The following NBEA variants were observed in gnomAD, a reference collection of about 807,000 sequenced individuals.
NBEA encodes neurobeachin.
In NBEA, 44 loss-of-function variants were observed where a neutral mutation model predicts 343.4. The observed-to-expected ratio is 0.13, with a 90% CI of 0.10 to 0.16. NBEA has a LOEUF of 0.16. Among genes scored for constraint, NBEA ranks in the 10% least tolerant of loss-of-function variants. NBEA has a pLI of 1.00. For synonymous variants in NBEA, 1,175 were observed against 1,238.7 expected (o/e 0.95, Z 1.08); for missense variants, 2,555 against 3,631.3 (o/e 0.70, Z 7.62).
intron 38 of NBEA, among the ~76,000 whole-genome samples, chr13:35,356,109 G>A (rs1251099330): frequency 6.6e-6 from 1 of 151,822 alleles, no homozygotes; most frequent in Admixed American, 6.6e-5. Flanking sequence ...ATAAACACTT[G>A]GTGTATGCCC....
In NBEA at chr13:35,236,991, G is replaced by T. The variant is rs114824425; in HGVS notation, c.5776+4372G>T. On this transcript the variant is annotated intron_variant, in intron 34 of 58. Coordinates refer to ENST00000379939, the MANE Select transcript of NBEA (RefSeq NM_001385012.1). ...TATTCAGTGTTTTTCCCTTGTGTTT[G>T]CATAGGATATTATTTTTCTTTCTTG... Among the ~76,000 whole-genome samples the T allele has an allele frequency of 1.5e-3, 230 of 152,140 alleles. 1 individual carries two copies. Among genetic ancestry groups the T allele is most frequent in the African/African-American group, 5.4e-3 (224 of 41,512 alleles).
chr13:35,114,569 G>C (rs1474959019), intron 13 of NBEA, among the ~76,000 whole-genome samples: 1 of 152,006 alleles, frequency 6.6e-6, no homozygotes, highest in African/African-American at 2.4e-5. Context: ...CCCTGACCCT[G>C]AAAGTCCTTC....
At position 35,646,255 on chromosome 13, in the gene NBEA, G is replaced by T. The variant is rs756103936; in HGVS notation, c.7681-4G>T. 2 of 1,609,214 alleles carry T rather than the reference G, an allele frequency of 1.2e-6. No individual in the cohort carries two copies. The highest frequency in any genetic ancestry group is 2.7e-5 in the African/African-American group (2 of 74,794). On this transcript the variant is annotated splice_region_variant and splice_polypyrimidine_tract_variant and intron_variant, in intron 50 of 58. Transcript: ENST00000379939. ...TTATGACAATCACCCTCCTTCCCCT[G>T]CAGGCCATGGAGGCACAGATACAGA...
At chr13:35,557,693 A>G (rs952551673) in intron 44 of NBEA, among the ~76,000 whole-genome samples, 14 of 152,290 alleles carry the variant, frequency 9.2e-5, no homozygotes, top group African/African-American at 3.4e-4. Flanking sequence ...GACTAGGCAC[A>G]CAGAACACTT....
chr13:35,198,188 T>G (rs1313684860), intron 31 of NBEA, among the ~76,000 whole-genome samples: 2 of 152,182 alleles, frequency 1.3e-5, no homozygotes, highest in Non-Finnish European at 1.5e-5. Context: ...TTTCACATAT[T>G]TGGTTTATGT....
chr13:35,668,904 T>G lies in NBEA; in HGVS notation c.8813+385T>G, dbSNP rs1356640309. ...AGGTGGGATTCAGTGTGAGACCTAC[T>G]TCTTGCTAACCAGTTTCCAGCAAAG... is the stretch of plus-strand genomic sequence containing the variant. On this transcript the variant is annotated intron_variant, in intron 58 of 58. Transcript: ENST00000379939. Among the ~76,000 whole-genome samples the G allele has an allele frequency of 2.0e-5, 3 of 152,208 alleles. No homozygotes were observed. The East Asian group carries it at 5.8e-4, about 29-fold the overall frequency.
At chr13:35,379,921 T>C (rs560935716) in intron 38 of NBEA, among the ~76,000 whole-genome samples, 1 of 152,306 alleles carries the variant, frequency 6.6e-6, no homozygotes, top group East Asian at 1.9e-4. Context: ...TTTAGCTTTG[T>C]GGTTCTCACA....
rs542213558 is a variant in NBEA, at chr13:35,540,645, G to T, written c.6586-9832G>T. ...CACAGAGGACTCCAGCTGCAACTCA[G>T]TTTGTTTGTAAATTAAATTTTAAAA... On this transcript the variant is annotated intron_variant, in intron 41 of 58. Transcript: ENST00000379939. Among the ~76,000 whole-genome samples the T allele has an allele frequency of 1.2e-3, 187 of 152,024 alleles. 1 individual carries two copies. Among genetic ancestry groups the T allele is most frequent in the Middle Eastern group, 3.4e-3 (1 of 292 alleles).
intron 17 of NBEA, among the ~76,000 whole-genome samples, chr13:35,128,003 A>G (rs1354176658): frequency 1.3e-5 from 2 of 150,692 alleles, no homozygotes; most frequent in African/African-American, 2.4e-5. Context: ...CAAGAAACAT[A>G]CCCAAAAACC....
chr13:35,049,742 G>T (rs1006156893), intron 5 of NBEA, among the ~76,000 whole-genome samples: 10 of 151,760 alleles, frequency 6.6e-5, no homozygotes, highest in Non-Finnish European at 1.2e-4. Flanking sequence ...TCTTGTAGAA[G>T]AAAACAACTA....
intron 17 of NBEA, among the ~76,000 whole-genome samples, chr13:35,132,010 A>G (rs909472961): frequency 2.6e-5 from 4 of 152,358 alleles, no homozygotes; most frequent in Admixed American, 6.5e-5. Flanking sequence ...ATGCTTATGC[A>G]TTGCTGATGG....
At chr13:35,083,212 A>G (rs761649217) in intron 10 of NBEA, among the ~76,000 whole-genome samples, 1 of 152,174 alleles carries the variant, frequency 6.6e-6, no homozygotes, top group Non-Finnish European at 1.5e-5. Context: ...AGGTTTGACA[A>G]AGATCAGATA....
At position 35,225,540 on chromosome 13, in the gene NBEA, T is replaced by C. The variant is rs1593827952; in HGVS notation, c.5649-6952T>C. Among the ~76,000 whole-genome samples, 4 of 152,274 alleles carry C rather than the reference T, an allele frequency of 2.6e-5. No individual in the cohort carries two copies. In the South Asian group the frequency reaches 8.3e-4, roughly 32 times the overall value. ...GAAGGAAGTTTTCTGCAGTCTTCCA[T>C]GCTGCCTCCAATTTTTCTCCTGAAT... On this transcript the variant is annotated intron_variant, in intron 33 of 58. Transcript: ENST00000379939.
chr13:35,575,461 T>C (rs1384124375), intron 45 of NBEA, among the ~76,000 whole-genome samples: 1 of 152,186 alleles, frequency 6.6e-6, no homozygotes, highest in African/African-American at 2.4e-5. Flanking sequence ...TTGTACTCTA[T>C]TTTAATTGAT....
chr13:35,027,047 A>G (rs1367153885), intron 1 of NBEA, among the ~76,000 whole-genome samples: 1 of 151,992 alleles, frequency 6.6e-6, no homozygotes, highest in African/African-American at 2.4e-5. Flanking sequence ...AATGTCTGTG[A>G]TATTTATCCA....
Position 35,566,994 on chromosome 13 carries a change from G to C in NBEA, c.7012G>C (p.Gly2338Arg). ...ESEELDLTLP[G>R]NFRDLSKPIG... The stretch of plus-strand genomic sequence containing the variant: ...AGAAGAGTTGGACCTGACTCTTCCA[G>C]GAAACTTCAGGGATCTATCAAAGGT... Residue 2338 changes from glycine to arginine, a missense_variant, in exon 45 of 59, where the codon GGA becomes CGA. Coordinates refer to ENST00000379939, the MANE Select transcript of NBEA (RefSeq NM_001385012.1). 2 of 1,607,726 alleles carry C rather than the reference G, an allele frequency of 1.2e-6. No individual in the cohort carries two copies. The highest frequency in any genetic ancestry group is 1.7e-6 in the Non-Finnish European group (2 of 1,174,724).
intron 41 of NBEA, among the ~76,000 whole-genome samples, chr13:35,528,213 TCAC>T (rs558793807): frequency 1.5e-3 from 233 of 152,332 alleles, no homozygotes; most frequent in Non-Finnish European, 2.9e-3. Flanking sequence ...GCCAGGCCAC[TCAC>T]ATAGATTTTC....
chr13:35,287,925 A>G (rs1446656003), intron 34 of NBEA, among the ~76,000 whole-genome samples: 1 of 152,172 alleles, frequency 6.6e-6, no homozygotes, highest in African/African-American at 2.4e-5. Flanking sequence ...GTCAGCATAT[A>G]TGTAAGTTAT....
chr13:35,161,500 T>C (rs149997123), intron 22 of NBEA, among the ~76,000 whole-genome samples: 1 of 152,162 alleles, frequency 6.6e-6, no homozygotes, highest in Non-Finnish European at 1.5e-5. Flanking sequence ...AACTTTGGTG[T>C]TAACTTTAGG....
Sources: gnomAD v4.1 joint callset for allele counts (sites outside exome capture counted in the v4.1 genomes callset) on GRCh38, gnomAD v4.1.1 for gene constraint, MANE v1.5 for transcripts, NCBI Gene and HGNC (gene_info 2026-07-23, HGNC 2026-07-21) for gene names.